COL25A1: variants seen among roughly 807,000 people sequenced by gnomAD.
COL25A1 encodes collagen type XXV alpha 1 chain.
In COL25A1, 103 loss-of-function variants were observed where a neutral mutation model predicts 128.4. That is an observed-to-expected ratio of 0.80 (90% confidence interval 0.68 to 0.94). The LOEUF (loss-of-function observed/expected upper bound fraction) is 0.94. Among genes scored for constraint, COL25A1 ranks in the 40% least tolerant of loss-of-function variants. COL25A1 has a pLI of 0.00. For synonymous variants in COL25A1, 279 were observed against 277.2 expected (o/e 1.01, Z -0.06); for missense variants, 745 against 840.0 (o/e 0.89, Z 1.40).
chr4:109,032,775 G>T (rs1758988908), intron 5 of COL25A1, among the ~76,000 whole-genome samples: 4 of 152,132 alleles, frequency 2.6e-5, no homozygotes, highest in Admixed American at 2.6e-4. Flanking sequence ...ATGAGGCTCG[G>T]CAGGTTCTTT....
At chr4:108,888,937 A>G (rs1160435460) in intron 18 of COL25A1, among the ~76,000 whole-genome samples, 1 of 152,230 alleles carries the variant, frequency 6.6e-6, no homozygotes, top group Non-Finnish European at 1.5e-5. Context: ...TGCAGGATAC[A>G]TTGTTGGCAT....
At chr4:109,195,617 A>G (rs575927046) in intron 3 of COL25A1, among the ~76,000 whole-genome samples, 7 of 152,248 alleles carry the variant, frequency 4.6e-5, no homozygotes, top group Non-Finnish European at 1.0e-4. Flanking sequence ...TCATTACTAG[A>G]CTCACCGAAG....
intron 20 of COL25A1, 47 bp downstream of exon 20, chr4:108,869,037 AAAAG>A (rs762466824): frequency 2.3e-5 from 27 of 1,160,016 alleles, no homozygotes; most frequent in Admixed American, 2.1e-4. Context: ...AGGAAGGAAG[AAAAG>A]AAAGAAAGAA....
intron 8 of COL25A1, among the ~76,000 whole-genome samples, chr4:108,944,278 T>A (rs916099289): frequency 3.2e-4 from 49 of 152,316 alleles, no homozygotes; most frequent in African/African-American, 1.1e-3. Flanking sequence ...CTGCATAAAT[T>A]CAGAAATGCT....
chr4:109,176,902 T>C (rs1188857357), intron 3 of COL25A1, among the ~76,000 whole-genome samples: 1 of 152,050 alleles, frequency 6.6e-6, no homozygotes, highest in African/African-American at 2.4e-5. Flanking sequence ...CAAGGCCAGA[T>C]CTCCCCTAGA....
At chr4:109,117,013 G>A (rs528789525) in intron 3 of COL25A1, among the ~76,000 whole-genome samples, 1 of 151,724 alleles carries the variant, frequency 6.6e-6, no homozygotes, top group East Asian at 2.0e-4. Flanking sequence ...TTTAAGAACT[G>A]CGAGACAACT....
At chr4:109,166,278 C>T (rs982194) in intron 3 of COL25A1, among the ~76,000 whole-genome samples, 3 of 152,266 alleles carry the variant, frequency 2.0e-5, no homozygotes, top group Non-Finnish European at 4.4e-5. Flanking sequence ...CAATTGTCTC[C>T]ATCTCCTTTC....
In COL25A1 at chr4:108,901,151, C is replaced by T; in HGVS notation, c.802G>A (p.Ala268Thr). 1.2e-6 allele frequency: 2 copies of T among 1,612,442 alleles called. No individual in the cohort carries two copies. The highest frequency in any genetic ancestry group is 1.7e-6 in the Non-Finnish European group (2 of 1,178,842). The change falls in exon 14 of 38, where the codon GCA becomes ACA. Residue 268 changes from alanine (A) to threonine (T), a missense_variant. Ala to Thr is a moderately conservative substitution (Grantham distance 58, BLOSUM62 0). Transcript: ENST00000399132. ...CCTGGTATTCCATTCTGTCCTACTG[C>T]TCCAGGCAACCCGGGCTCACCCTCA... ...GQKGEPGLPGAVGQNGIPGPK... is the reference protein window; with the variant it reads ...GQKGEPGLPGTVGQNGIPGPK...
chr4:108,906,223 T>C (rs1455217489), intron 13 of COL25A1, among the ~76,000 whole-genome samples: 3 of 152,092 alleles, frequency 2.0e-5, no homozygotes, highest in South Asian at 2.1e-4. Context: ...CCCCCTCACA[T>C]ACTCCAGCCA....
At position 109,220,462 on chromosome 4, in the gene COL25A1, T is replaced by G. The variant is rs1778331575; in HGVS notation, c.367+80121A>C. Among the ~76,000 whole-genome samples the G allele has an allele frequency of 2.6e-5, 4 of 152,144 alleles. No individual in the cohort carries two copies. In the South Asian group the frequency reaches 8.3e-4, roughly 32 times the overall value. Reference sequence around the variant, plus strand: ...CCAAAAGGTTTTACACCAGACACACTGTGGTTCCCCCATGGAATGCAGGGA... The same window carrying G: ...CCAAAAGGTTTTACACCAGACACACGGTGGTTCCCCCATGGAATGCAGGGA... On this transcript the variant is annotated intron_variant, in intron 3 of 37. Transcript: ENST00000399132.
At chr4:109,211,239 T>C in intron 3 of COL25A1, among the ~76,000 whole-genome samples, 1 of 141,416 alleles carries the variant, frequency 7.1e-6, no homozygotes, top group South Asian at 2.2e-4. Flanking sequence ...TGTGTATGTA[T>C]ATATATGAAA....
At chr4:109,261,986 C>G (rs552330037) in intron 3 of COL25A1, among the ~76,000 whole-genome samples, 1 of 151,470 alleles carries the variant, frequency 6.6e-6, no homozygotes, top group Non-Finnish European at 1.5e-5. Flanking sequence ...CATGAGCCAC[C>G]GCGCCCGGCT....
At position 108,862,500 on chromosome 4, in the gene COL25A1, C is replaced by T. The variant is rs752222633; in HGVS notation, c.1197+1G>A. The T allele has an allele frequency of 6.2e-7, 1 of 1,609,640 alleles. No homozygotes were observed. Among genetic ancestry groups the T allele is most frequent in the Non-Finnish European group, 8.5e-7 (1 of 1,176,042 alleles). ...ATTTAAATGGTTATCTGGTTACTGA[C>T]CTTTGACCCCTTTGGGCCTCTAGTT... On this transcript the variant is annotated splice_donor_variant, in intron 22 of 37. Transcript: ENST00000399132. LOFTEE classifies it high-confidence loss of function.
chr4:108,862,963 T>G (rs1737437060), intron 21 of COL25A1, among the ~76,000 whole-genome samples: 1 of 152,150 alleles, frequency 6.6e-6, no homozygotes, highest in African/African-American at 2.4e-5. Context: ...AGTCCTTAGC[T>G]CTAATATTTT....
At chr4:108,957,682 G>C (rs1440627133) in intron 8 of COL25A1, among the ~76,000 whole-genome samples, 1 of 152,166 alleles carries the variant, frequency 6.6e-6, no homozygotes, top group Admixed American at 6.6e-5. Flanking sequence ...GAAAATGTTT[G>C]AATAAAACTC....
chr4:109,177,054 GGGTACCTGA>G lies in COL25A1; in HGVS notation c.367+123520_367+123528del, dbSNP rs1303982561. Among the ~76,000 whole-genome samples the G allele has an allele frequency of 3.9e-5, 6 of 152,278 alleles. No individual in the cohort carries two copies. In the East Asian group the frequency reaches 1.2e-3, roughly 29 times the overall value. ...AAGCCCTAGGAATCTAATATAGGTG[GGGTACCTGA>G]GAGGGATTTCCTAGTCTAGGAATGA... On this transcript the variant is annotated intron_variant, in intron 3 of 37. Transcript: ENST00000399132.
chr4:109,131,891 T>C (rs957985168), intron 3 of COL25A1, among the ~76,000 whole-genome samples: 1 of 152,120 alleles, frequency 6.6e-6, no homozygotes, highest in Non-Finnish European at 1.5e-5. Context: ...ACTGATACCA[T>C]CTAATGGATG....
chr4:108,889,829 G>T, intron 16 of COL25A1, 96 bp from the exon 17 acceptor site: 1 of 1,074,832 alleles, frequency 9.3e-7, no homozygotes, highest in Non-Finnish European at 1.4e-6. Flanking sequence ...GTACTCAAAG[G>T]GTATCTCATG....
chr4:109,184,335 T>C (rs1210221064), intron 3 of COL25A1, among the ~76,000 whole-genome samples: 3 of 152,264 alleles, frequency 2.0e-5, no homozygotes, highest in Middle Eastern at 3.4e-3. Flanking sequence ...TAACACTCCA[T>C]TAATATCTTC....
Sources: allele counts gnomAD v4.1 joint callset (sites outside exome capture counted in the v4.1 genomes callset), GRCh38; gene constraint gnomAD v4.1.1; transcripts MANE v1.5; gene names NCBI Gene and HGNC (gene_info 2026-07-23, HGNC 2026-07-21).